HNMT: variants seen among roughly 807,000 people sequenced by gnomAD.
HNMT encodes histamine N-methyltransferase.
In HNMT, 30 loss-of-function variants were observed where a neutral mutation model predicts 32.1. The ratio of observed to expected loss-of-function variants is 0.93; its 90% CI spans 0.70 to 1.27. The LOEUF (loss-of-function observed/expected upper bound fraction) is 1.27, where lower values mean the gene tolerates loss of function less well. Among genes scored for constraint, HNMT ranks in the 50% most tolerant of loss-of-function variants. The pLI, the probability that HNMT is intolerant of heterozygous loss-of-function variation, is 0.00. For missense variants in HNMT, 327 were observed against 346.0 expected (o/e 0.95, Z 0.43); for synonymous variants, 125 against 119.0 (o/e 1.05, Z -0.33).
At chr2:137,992,248 G>A (rs1164189851) in intron 2 of HNMT, among the ~76,000 whole-genome samples, 1 of 152,232 alleles carries the variant, frequency 6.6e-6, no homozygotes, top group Non-Finnish European at 1.5e-5. Context: ...TGCTGTCAAA[G>A]CTATTTGAGC....
intron 4 of HNMT, among the ~76,000 whole-genome samples, chr2:138,004,930 A>G (rs539133087): frequency 6.6e-6 from 1 of 152,202 alleles, no homozygotes; most frequent in South Asian, 2.1e-4. Flanking sequence ...AACAAATACC[A>G]TACTTTTCCA....
At position 137,964,544 on chromosome 2, in the gene HNMT, C is replaced by G; in HGVS notation, c.53C>G (p.Ser18Cys). The change falls in exon 1 of 6, where the codon TCT becomes TGT. Residue 18 changes from serine (S) to cysteine (C), a missense_variant. Transcript: ENST00000280097. ...TCTGACCACGGGAAATATGTTGAAT[C>G]TTTCCGGAGGTTTCTCAACCATTCC... ...LFSDHGKYVESFRRFLNHSTE... is the reference protein window; with the variant it reads ...LFSDHGKYVECFRRFLNHSTE... 1 of 1,613,392 alleles carries G rather than the reference C, an allele frequency of 6.2e-7. No homozygotes were observed. Among genetic ancestry groups the G allele is most frequent in the Non-Finnish European group, 8.5e-7 (1 of 1,179,420 alleles).
At position 138,014,258 on chromosome 2, in the gene HNMT, C is replaced by A. The variant is rs1243247664; in HGVS notation, c.*128C>A. 2 of 643,768 alleles carry A rather than the reference C, an allele frequency of 3.1e-6. No homozygotes were observed. The highest frequency in any genetic ancestry group is 4.2e-5 in the South Asian group (2 of 47,162). 39.9% of individuals were successfully genotyped at this position (643,768 alleles called of 1,614,324 possible). A position where few individuals can be genotyped will look rare whatever the true frequency, so the allele number is the denominator to read the frequency against. The stretch of plus-strand genomic sequence containing the variant: ...AGCACTGTTTGGATATGAGATGTAG[C>A]AAATTCCAATACATTATTGGACTTC... On this transcript the variant is annotated 3_prime_UTR_variant, in exon 6 of 6. Transcript: ENST00000280097.
chr2:137,977,260 T>G (rs1201162168), intron 2 of HNMT, among the ~76,000 whole-genome samples: 1 of 152,228 alleles, frequency 6.6e-6, no homozygotes, highest in Non-Finnish European at 1.5e-5. Flanking sequence ...TTATCTGTAA[T>G]TTTGCTGAAG....
chr2:138,001,241 C>T (rs1681161403), intron 3 of HNMT, among the ~76,000 whole-genome samples: 2 of 152,108 alleles, frequency 1.3e-5, no homozygotes, highest in East Asian at 1.9e-4. Flanking sequence ...TCATCCATTC[C>T]CCAGTTGTCA....
chr2:137,981,177 T>C lies in HNMT; in HGVS notation c.190+10960T>C, dbSNP rs200866497. Reference sequence around the variant, plus strand: ...GGCTGAAATCGAATGGCAGGAGATATGGCCACAGTCTTTAATCCCCTATTT... The same window carrying C: ...GGCTGAAATCGAATGGCAGGAGATACGGCCACAGTCTTTAATCCCCTATTT... On this transcript the variant is annotated intron_variant, in intron 2 of 5. Coordinates refer to ENST00000280097, the MANE Select transcript of HNMT (RefSeq NM_006895.3). 1.3e-4 allele frequency: 213 copies of C among 1,592,970 alleles called. 1 individual carries two copies. The highest frequency in any genetic ancestry group is 7.2e-4 in the Admixed American group (42 of 58,648).
At chr2:137,977,493 A>C (rs1198085619) in intron 2 of HNMT, among the ~76,000 whole-genome samples, 2 of 152,180 alleles carry the variant, frequency 1.3e-5, no homozygotes, top group African/African-American at 4.8e-5. Flanking sequence ...GATTGAGATC[A>C]ATTCCTTGGG....
At chr2:137,985,713 T>G (rs1192783056) in intron 2 of HNMT, among the ~76,000 whole-genome samples, 1 of 152,224 alleles carries the variant, frequency 6.6e-6, no homozygotes, top group East Asian at 1.9e-4. Context: ...AGAAGACCAG[T>G]TCTTTGAGTC....
chr2:138,015,227 A>T lies in HNMT; in HGVS notation c.*1097A>T, dbSNP rs1250186835. The T allele has an allele frequency of 1.3e-5, 2 of 152,090 alleles. No homozygotes were observed. The highest frequency in any genetic ancestry group is 2.9e-5 in the Non-Finnish European group (2 of 68,018). 9.4% of individuals were successfully genotyped at this position (152,090 alleles called of 1,614,324 possible). On this transcript the variant is annotated 3_prime_UTR_variant, in exon 6 of 6. Coordinates refer to ENST00000280097, the MANE Select transcript of HNMT (RefSeq NM_006895.3). The stretch of plus-strand genomic sequence containing the variant: ...ATAATAACGCTCTGTTATTTTTGAC[A>T]TAAACAGTACATTTAATAATTAATA...
At chr2:137,968,707 A>T (rs1358407903) in intron 1 of HNMT, among the ~76,000 whole-genome samples, 1 of 152,128 alleles carries the variant, frequency 6.6e-6, no homozygotes, top group Non-Finnish European at 1.5e-5. Flanking sequence ...AGGACTCAGG[A>T]TTATGAGTTG....
chr2:138,002,040 T>G (rs1420667633), intron 3 of HNMT, 24 bp from the exon 4 acceptor site: 1 of 1,496,476 alleles, frequency 6.7e-7, no homozygotes, highest in South Asian at 1.5e-5. Context: ...ATTGATGGTG[T>G]GTCACCTCTT....
intron 2 of HNMT, chr2:137,981,641 TTGAG>T (rs774939539): frequency 3.0e-5 from 14 of 473,292 alleles, no homozygotes; most frequent in Non-Finnish European, 3.8e-5. Flanking sequence ...CTTCACTTTC[TTGAG>T]TAATTACTAT....
Position 137,964,629 on chromosome 2 carries a change from G to T in HNMT, c.137+1G>T. The T allele has an allele frequency of 6.2e-7, 1 of 1,613,780 alleles. No homozygotes were observed. Among genetic ancestry groups the T allele is most frequent in the Non-Finnish European group, 8.5e-7 (1 of 1,179,726 alleles). On this transcript the variant is annotated splice_donor_variant, in intron 1 of 5. Transcript: ENST00000280097. LOFTEE classifies it high-confidence loss of function. ...AGAAGCTGCCAGGCATAATAGGAAG[G>T]TAACAAAAGGGACGTTGTTGTCAAA...
At chr2:137,981,332 T>C in intron 2 of HNMT, 2 of 1,613,246 alleles carry the variant, frequency 1.2e-6, no homozygotes, top group South Asian at 1.1e-5. Context: ...CTCTTCTGAG[T>C]TGCCATTTGG....
chr2:138,002,134 C>G lies in HNMT; in HGVS notation c.369C>G (p.Tyr123Ter). The change falls in exon 4 of 6, where the codon TAC becomes TAG. Residue 123 changes from tyrosine (Y) to a stop codon, truncating the protein, a stop_gained. Transcript: ENST00000280097. LOFTEE classifies it high-confidence loss of function. ...FAWHKETSSE[Y>*]QSRMLEKKEL... ...GGCATAAGGAGACATCATCTGAATA[C>G]CAAAGTAGAATGTTGGAGAAAAAGG... The G allele has an allele frequency of 6.3e-7, 1 of 1,598,914 alleles. No homozygotes were observed. The highest frequency in any genetic ancestry group is 8.5e-7 in the Non-Finnish European group (1 of 1,171,014).
chr2:137,998,179 G>A (rs1256840058), intron 2 of HNMT, among the ~76,000 whole-genome samples: 1 of 152,082 alleles, frequency 6.6e-6, no homozygotes, highest in Non-Finnish European at 1.5e-5. Flanking sequence ...TCGCCTATGA[G>A]CACAGTGGTA....
intron 2 of HNMT, among the ~76,000 whole-genome samples, chr2:137,970,836 C>T (rs1293966641): frequency 3.4e-5 from 5 of 147,864 alleles, no homozygotes; most frequent in South Asian, 2.2e-4. Context: ...AGGAGAATGG[C>T]GTGAATCCTG....
intron 2 of HNMT, among the ~76,000 whole-genome samples, chr2:137,992,791 G>C (rs1164505042): frequency 6.6e-6 from 1 of 152,106 alleles, no homozygotes; most frequent in African/African-American, 2.4e-5. Context: ...CTGGCATCAG[G>C]CTGGTGCCCC....
At chr2:137,970,859 G>T (rs1474661408) in intron 2 of HNMT, among the ~76,000 whole-genome samples, 1 of 148,988 alleles carries the variant, frequency 6.7e-6, no homozygotes, top group African/African-American at 2.5e-5. Context: ...GGCGGAGCTT[G>T]CAGTGAGCCG....
Sources: gnomAD v4.1 joint callset for allele counts (sites outside exome capture counted in the v4.1 genomes callset) on GRCh38, gnomAD v4.1.1 for gene constraint, MANE v1.5 for transcripts, NCBI Gene and HGNC (gene_info 2026-07-23, HGNC 2026-07-21) for gene names.